The following CEP15 variants were observed in gnomAD, a reference collection of about 807,000 sequenced individuals.
CEP15 encodes centrosomal protein 15 kDa.
At chr3:62,325,559 G>A in the CEP15 span, among the ~76,000 whole-genome samples, 50 of 152,156 alleles carry the variant, frequency 3.3e-4, no homozygotes, top group Non-Finnish European at 6.6e-4. Context: ...CACAGGGTGG[G>A]TGATTTTTCC....
At chr3:62,322,122 A>C in the CEP15 span, 1 of 1,498,396 alleles carries the variant, frequency 6.7e-7, no homozygotes, top group East Asian at 2.3e-5. The surrounding 1 kb of genome is among the most constrained non-coding windows in gnomAD (Gnocchi z 5.5). Flanking sequence ...TAAGTTTCAT[A>C]AAATTGATTT....
chr3:62,333,494 G>T, the CEP15 span: 16 of 1,253,324 alleles, frequency 1.3e-5, no homozygotes, highest in Admixed American at 2.5e-5. The surrounding 1 kb of genome is among the most constrained non-coding windows in gnomAD (Gnocchi z 4.0). Context: ...CATATTCTTC[G>T]ATTATCTCCT....
At chr3:62,330,669 A>G in the CEP15 span, among the ~76,000 whole-genome samples, 1 of 152,194 alleles carries the variant, frequency 6.6e-6, no homozygotes, top group Admixed American at 6.5e-5. Flanking sequence ...TGAATGACAT[A>G]CTAGCTAGCA....
the CEP15 span, chr3:62,322,318 C>T: frequency 3.5e-6 from 1 of 289,748 alleles, no homozygotes; most frequent in Non-Finnish European, 6.3e-6. The surrounding 1 kb of genome is among the most constrained non-coding windows in gnomAD (Gnocchi z 5.5). Flanking sequence ...ATTGTAAGGT[C>T]ACCCTTTTGC....
chr3:62,325,497 G>T, the CEP15 span, among the ~76,000 whole-genome samples: 1 of 152,170 alleles, frequency 6.6e-6, no homozygotes, highest in South Asian at 2.1e-4. Context: ...TGTAGGTAGT[G>T]AAGAATAGGC....
chr3:62,331,994 C>A, the CEP15 span, among the ~76,000 whole-genome samples: 2 of 152,112 alleles, frequency 1.3e-5, no homozygotes, highest in Non-Finnish European at 1.5e-5. Flanking sequence ...TACAGTTTTG[C>A]TTTCTCCCCA....
chr3:62,320,501 C>T, the CEP15 span: 25 of 1,611,732 alleles, frequency 1.6e-5, no homozygotes, highest in Non-Finnish European at 2.0e-5. Flanking sequence ...AAGAAATTCG[C>T]CTTTCTAAAA....
chr3:62,325,034 A>G, the CEP15 span, among the ~76,000 whole-genome samples: 12 of 152,214 alleles, frequency 7.9e-5, no homozygotes, highest in Admixed American at 5.9e-4. Flanking sequence ...TAGTAATTCT[A>G]TGTATACAAC....
the CEP15 span, among the ~76,000 whole-genome samples, chr3:62,328,898 G>GTT: frequency 2.7e-4 from 36 of 131,658 alleles, no homozygotes; most frequent in Non-Finnish European, 2.5e-4. Context: ...AAATTGCGAA[G>GTT]TTTTTTTTTT....
the CEP15 span, chr3:62,320,446 A>T: frequency 6.2e-7 from 1 of 1,602,566 alleles, no homozygotes; most frequent in Non-Finnish European, 8.5e-7. Flanking sequence ...AAATGTTTTT[A>T]TTCTTTATGA....
chr3:62,321,983 AAC>A, the CEP15 span: 1 of 1,609,400 alleles, frequency 6.2e-7, no homozygotes, highest in Non-Finnish European at 8.5e-7. This position sits in a 1 kb window ranked among gnomAD's most constrained non-coding sequence, Gnocchi z 4.1. Flanking sequence ...TTGGGTGATC[AAC>A]ACACAGAAAA....
Sources: gnomAD v4.1 joint callset for allele counts (sites outside exome capture counted in the v4.1 genomes callset) on GRCh38, gnomAD v4.1.1 for gene constraint, Gnocchi (gnomAD v3.1) non-coding constraint, MANE v1.5 for transcripts, NCBI Gene and HGNC (gene_info 2026-07-23, HGNC 2026-07-21) for gene names.